HECW1: variants seen among roughly 807,000 people sequenced by gnomAD.
The protein encoded by HECW1 is E3 ubiquitin-protein ligase HECW1.
In HECW1, 61 loss-of-function variants were observed where a neutral mutation model predicts 182.3. The ratio of observed to expected loss-of-function variants is 0.33; its 90% CI spans 0.27 to 0.41. The LOEUF (loss-of-function observed/expected upper bound fraction) is 0.41. HECW1 is among the 10% of genes least tolerant of loss of function. The pLI, the probability that HECW1 is intolerant of heterozygous loss-of-function variation, is 1.00. For missense variants in HECW1, 1,739 were observed against 2,108.9 expected (o/e 0.82, Z 3.44); for synonymous variants, 859 against 832.6 (o/e 1.03, Z -0.55).
At chr7:43,245,755 C>A (rs1010673776) in intron 3 of HECW1, 4 of 152,146 alleles carry the variant, frequency 2.6e-5, no homozygotes, top group African/African-American at 9.7e-5. Context: ...GCTTGTGAAA[C>A]AAAACATGAG....
intron 5 of HECW1, among the ~76,000 whole-genome samples, chr7:43,327,971 T>TATTATTATTATTATTATTATC (rs989018539): frequency 6.1e-4 from 91 of 148,768 alleles, no homozygotes; most frequent in African/African-American, 2.1e-3. Context: ...ATATTATTAT[T>TATTATTATTATTATTATTATC]ATTATTATTA....
chr7:43,536,715 G>A (rs2081189979), intron 24 of HECW1, among the ~76,000 whole-genome samples: 1 of 152,166 alleles, frequency 6.6e-6, no homozygotes, highest in African/African-American at 2.4e-5. Context: ...GAGGGGTAGA[G>A]GTGAACATGG....
chr7:43,234,543 C>T (rs1280103570), intron 2 of HECW1, among the ~76,000 whole-genome samples: 1 of 152,132 alleles, frequency 6.6e-6, no homozygotes, highest in Non-Finnish European at 1.5e-5. Flanking sequence ...TTCCCTTGGG[C>T]AGGAATGGAC....
Position 43,444,880 on chromosome 7 carries a change from A to G in HECW1, c.1708A>G (p.Met570Val). The G allele has an allele frequency of 1.2e-6, 2 of 1,608,796 alleles. No homozygotes were observed. Among genetic ancestry groups the G allele is most frequent in the Non-Finnish European group, 1.7e-6 (2 of 1,176,832 alleles). The change falls in exon 11 of 30, where the codon ATG becomes GTG. Residue 570 changes from methionine (M) to valine (V), a missense_variant. Coordinates refer to ENST00000395891, the MANE Select transcript of HECW1 (RefSeq NM_015052.5). This position sits in a 1 kb window ranked among gnomAD's most constrained non-coding sequence, Gnocchi z 4.3. Reference sequence around the variant, plus strand: ...CCGCATCCACACCCTGCTGCACAGCATGCCCTCCGCCCAGGGCGGCAGCGC... The same window carrying G: ...CCGCATCCACACCCTGCTGCACAGCGTGCCCTCCGCCCAGGGCGGCAGCGC... ...YIRIHTLLHS[M>V]PSAQGGSAAE...
intron 4 of HECW1, among the ~76,000 whole-genome samples, chr7:43,314,346 T>A (rs1161990293): frequency 1.3e-5 from 2 of 152,124 alleles, no homozygotes; most frequent in Non-Finnish European, 2.9e-5. Flanking sequence ...AGATTTGGGA[T>A]AACAGACACC....
chr7:43,238,773 A>T (rs1047582762), intron 2 of HECW1, among the ~76,000 whole-genome samples: 1 of 152,184 alleles, frequency 6.6e-6, no homozygotes, highest in African/African-American at 2.4e-5. Flanking sequence ...AGCCTGGACT[A>T]TTTGTCAAAG....
intron 24 of HECW1, among the ~76,000 whole-genome samples, chr7:43,537,167 T>A (rs746449805): frequency 6.6e-6 from 1 of 152,252 alleles, no homozygotes; most frequent in African/African-American, 2.4e-5. Flanking sequence ...CCCTGCAAGC[T>A]CACACACACA....
intron 2 of HECW1, among the ~76,000 whole-genome samples, chr7:43,173,833 G>T (rs1406944946): frequency 6.8e-6 from 1 of 147,296 alleles, no homozygotes; most frequent in Non-Finnish European, 1.5e-5. Context: ...CCAGGTGCCT[G>T]TTGTTTTAAA....
At position 43,191,964 on chromosome 7, in the gene HECW1, CT is replaced by C. The variant is rs537307469; in HGVS notation, c.-31-51899del. Among the ~76,000 whole-genome samples the C allele has an allele frequency of 2.9e-3, 427 of 145,214 alleles. 1 individual carries two copies. The highest frequency in any genetic ancestry group is 7.1e-3 in the Middle Eastern group (2 of 282). ...AATAAGACCTAGTTGTTGTTTTTTT[CT>C]TTTTTTTTTTTGAGATGGAGTCTCA... On this transcript the variant is annotated intron_variant, in intron 2 of 29. Transcript: ENST00000395891.
chr7:43,382,305 A>C (rs1462019971), intron 6 of HECW1, among the ~76,000 whole-genome samples: 1 of 152,110 alleles, frequency 6.6e-6, no homozygotes, highest in Non-Finnish European at 1.5e-5. Context: ...AAAAAAAAAA[A>C]ATAGAAGCCC....
intron 5 of HECW1, among the ~76,000 whole-genome samples, chr7:43,346,141 T>A (rs919444392): frequency 2.0e-5 from 3 of 152,158 alleles, no homozygotes; most frequent in African/African-American, 7.2e-5. Flanking sequence ...GTTCACCACA[T>A]CCACGCCAAC....
chr7:43,556,457 C>T (rs947997958), intron 29 of HECW1, among the ~76,000 whole-genome samples: 1 of 152,168 alleles, frequency 6.6e-6, no homozygotes, highest in African/African-American at 2.4e-5. Flanking sequence ...GAGGCTAAGG[C>T]AGGCGGATAG....
intron 2 of HECW1, among the ~76,000 whole-genome samples, chr7:43,224,282 G>T (rs1189851605): frequency 2.6e-5 from 4 of 152,186 alleles, no homozygotes; most frequent in Non-Finnish European, 5.9e-5. Context: ...AGGAGTTGGG[G>T]AATATCAGTA....
At chr7:43,215,766 A>G (rs1796388613) in intron 2 of HECW1, among the ~76,000 whole-genome samples, 1 of 152,230 alleles carries the variant, frequency 6.6e-6, no homozygotes, top group African/African-American at 2.4e-5. Context: ...AACTGATATT[A>G]TTTAAATCAG....
intron 29 of HECW1, among the ~76,000 whole-genome samples, chr7:43,558,598 T>C (rs908512569): frequency 1.3e-5 from 2 of 152,156 alleles, no homozygotes; most frequent in African/African-American, 4.8e-5. Context: ...AGGATGCTGC[T>C]AAACATCTCA....
At chr7:43,310,440 T>C (rs1413826377) in intron 3 of HECW1, among the ~76,000 whole-genome samples, 1 of 151,986 alleles carries the variant, frequency 6.6e-6, no homozygotes, top group East Asian at 1.9e-4. Context: ...AATAAGGTGA[T>C]GAGATGCTTT....
At chr7:43,145,956 G>A (rs182654099) in intron 2 of HECW1, among the ~76,000 whole-genome samples, 129 of 152,234 alleles carry the variant, frequency 8.5e-4, no homozygotes, top group African/African-American at 3.0e-3. Context: ...AGTGGTATGC[G>A]GTGAGAAGAA....
At chr7:43,462,618 A>G (rs6957396) in intron 13 of HECW1, among the ~76,000 whole-genome samples, 91,453 of 152,000 alleles carry the variant, frequency 0.6, 27,765 homozygotes, top group South Asian at 0.72. Context: ...GATTCTGCGT[A>G]GCTCAGGTTG....
At chr7:43,403,831 A>G (rs1030060803) in intron 7 of HECW1, among the ~76,000 whole-genome samples, 7 of 152,208 alleles carry the variant, frequency 4.6e-5, no homozygotes, top group Non-Finnish European at 1.0e-4. Flanking sequence ...AACTTGAAAT[A>G]AATAATTATT....
Sources: allele counts gnomAD v4.1 joint callset (sites outside exome capture counted in the v4.1 genomes callset), GRCh38; gene constraint gnomAD v4.1.1; non-coding constraint Gnocchi (gnomAD v3.1); transcripts MANE v1.5; gene names NCBI Gene and HGNC (gene_info 2026-07-23, HGNC 2026-07-21).